The following CRHBP variants were observed in gnomAD, a reference collection of about 807,000 sequenced individuals.
CRHBP encodes corticotropin-releasing hormone-binding protein.
In CRHBP, 19 loss-of-function variants were observed where a neutral mutation model predicts 34.9. That is an observed-to-expected ratio of 0.55 (90% CI 0.38 to 0.80). CRHBP has a LOEUF of 0.80. CRHBP is among the 30% of genes least tolerant of loss of function. The pLI, the probability that CRHBP is intolerant of heterozygous loss-of-function variation, is 0.00. For missense variants in CRHBP, 328 were observed against 409.2 expected (o/e 0.80, Z 1.71); for synonymous variants, 154 against 153.4 (o/e 1.00, Z -0.03).
chr5:76,966,204 G>T lies in CRHBP; in HGVS notation c.812-2524G>T, dbSNP rs903101881. Among the ~76,000 whole-genome samples the T allele has an allele frequency of 3.6e-4, 55 of 152,324 alleles. 1 individual carries two copies. The highest frequency in any genetic ancestry group is 1.3e-3 in the African/African-American group (53 of 41,558). On this transcript the variant is annotated intron_variant, in intron 6 of 6. Coordinates refer to ENST00000274368, the MANE Select transcript of CRHBP (RefSeq NM_001882.4). Reference sequence around the variant, plus strand: ...TGGCTAATTTTGTATTTTTAGTAGAGATGGGGTTTCTCCATGTTGGTCAGG... The same window carrying T: ...TGGCTAATTTTGTATTTTTAGTAGATATGGGGTTTCTCCATGTTGGTCAGG...
intron 6 of CRHBP, among the ~76,000 whole-genome samples, chr5:76,964,516 A>C (rs533044669): frequency 1.3e-5 from 2 of 152,322 alleles, no homozygotes; most frequent in East Asian, 3.9e-4. Context: ...GCCCTTCTTA[A>C]CTGTGGGTTC....
chr5:76,970,294 C>T (rs1745926987), downstream of CRHBP, among the ~76,000 whole-genome samples: 2 of 152,040 alleles, frequency 1.3e-5, no homozygotes, highest in South Asian at 4.1e-4. Flanking sequence ...TAGATGAAAG[C>T]TTCAAACTAT....
At chr5:76,953,807 A>G in intron 2 of CRHBP, 113 bp downstream of exon 2, 2 of 1,248,510 alleles carry the variant, frequency 1.6e-6, no homozygotes, top group East Asian at 2.6e-5. Context: ...CGGAACCGCC[A>G]GGGGCGCGGT....
intron 1 of CRHBP, 49 bp downstream of exon 1, chr5:76,953,264 C>G (rs758361817): frequency 3.2e-6 from 5 of 1,574,884 alleles, no homozygotes; most frequent in African/African-American, 1.3e-5. Flanking sequence ...CGTGTTAGCC[C>G]TAGGCGGCAG....
At chr5:76,966,445 T>C (rs910311092) in intron 6 of CRHBP, among the ~76,000 whole-genome samples, 11 of 152,206 alleles carry the variant, frequency 7.2e-5, no homozygotes, top group Non-Finnish European at 1.5e-4. Context: ...CAAGGCACTC[T>C]CCCTTTCCTT....
At chr5:76,962,941 C>T (rs1290200821) in intron 5 of CRHBP, among the ~76,000 whole-genome samples, 6 of 152,126 alleles carry the variant, frequency 3.9e-5, no homozygotes, top group Admixed American at 2.6e-4. Flanking sequence ...TATTTGACTT[C>T]GCTTAGCTGT....
intron 5 of CRHBP, among the ~76,000 whole-genome samples, chr5:76,961,732 CTG>C (rs1434929495): frequency 6.6e-6 from 1 of 151,880 alleles, no homozygotes; most frequent in Non-Finnish European, 1.5e-5. Flanking sequence ...CAATGCTCTT[CTG>C]TGTTTTTTTG....
downstream of CRHBP, among the ~76,000 whole-genome samples, chr5:76,973,446 A>G (rs1312793152): frequency 6.6e-6 from 1 of 152,192 alleles, no homozygotes; most frequent in African/African-American, 2.4e-5. Flanking sequence ...ATACAAAAAT[A>G]CCATGCAAAT....
chr5:76,975,589 G>A (rs1746012434), intron 2 of CRHBP, among the ~76,000 whole-genome samples: 1 of 151,342 alleles, frequency 6.6e-6, no homozygotes, highest in African/African-American at 2.4e-5. Context: ...GATTACTTAA[G>A]GCCAGGAGTT....
intron 1 of CRHBP, 36 bp downstream of exon 1, chr5:76,953,251 T>C: frequency 1.3e-6 from 2 of 1,597,646 alleles, no homozygotes; most frequent in Non-Finnish European, 1.7e-6. Context: ...CTCACCTTCC[T>C]TGCGTGTTAG....
intron 3 of CRHBP, among the ~76,000 whole-genome samples, chr5:76,955,091 T>C (rs1745647576): frequency 6.6e-6 from 1 of 152,214 alleles, no homozygotes; most frequent in Non-Finnish European, 1.5e-5. Flanking sequence ...CCAGGTAGCA[T>C]ACCAGCCATC....
chr5:76,959,920 T>C (rs1745749603), intron 5 of CRHBP, among the ~76,000 whole-genome samples: 1 of 152,216 alleles, frequency 6.6e-6, no homozygotes, highest in Admixed American at 6.5e-5. Flanking sequence ...GTAATCTTGG[T>C]GTTTCCTCCC....
intron 5 of CRHBP, 171 bp from the exon 6 acceptor site, chr5:76,963,172 T>G: frequency 1.7e-6 from 1 of 581,180 alleles, no homozygotes; most frequent in East Asian, 2.7e-5. Context: ...TTTTTATGAT[T>G]TTTTCTCTTT....
rs1340942551 is a variant in CRHBP at position 76,965,236 on chromosome 5, C to T, written c.811+1776C>T. On this transcript the variant is annotated intron_variant, in intron 6 of 6. Coordinates refer to ENST00000274368, the MANE Select transcript of CRHBP (RefSeq NM_001882.4). ...ATGGGGAGCATCTTGGAACCAATCT[C>T]CTGAGGATACCAAAGGATGAATTAT... Among the ~76,000 whole-genome samples, 10 of 152,202 alleles carry T rather than the reference C, an allele frequency of 6.6e-5. No individual in the cohort carries two copies. The East Asian group carries it at 1.9e-3, about 29-fold the overall frequency.
chr5:76,968,723 T>C lies in CRHBP; in HGVS notation c.812-5T>C. 6.2e-7 allele frequency: 1 copy of C among 1,609,554 alleles called. No homozygotes were observed. The highest frequency in any genetic ancestry group is 2.2e-5 in the East Asian group (1 of 44,698). On this transcript the variant is annotated splice_polypyrimidine_tract_variant and splice_region_variant and intron_variant, in intron 6 of 6. Transcript: ENST00000274368. ...GGAAACTTTTATCTTTTCCATCCAT[T>C]ATAGCCCAGATGAAAGTTGGCTGTG...
At chr5:76,975,826 A>AAATC in intron 2 of CRHBP, among the ~76,000 whole-genome samples, 1 of 67,842 alleles carries the variant, frequency 1.5e-5, no homozygotes, top group African/African-American at 9.0e-5. Context: ...AAAAAAAAAA[A>AAATC]TATATATATA....
At chr5:76,980,026 C>T (rs571963364) in intron 3 of CRHBP, among the ~76,000 whole-genome samples, 7 of 150,800 alleles carry the variant, frequency 4.6e-5, no homozygotes, top group East Asian at 2.0e-4. Context: ...CCGAGGCGGG[C>T]GGATCACGAG....
At chr5:76,971,551 C>T (rs1389730796), downstream of CRHBP, among the ~76,000 whole-genome samples, 1 of 152,172 alleles carries the variant, frequency 6.6e-6, no homozygotes, top group Non-Finnish European at 1.5e-5. Context: ...AGGTTGTTGC[C>T]TGTCACTGAG....
intron 5 of CRHBP, among the ~76,000 whole-genome samples, chr5:76,961,262 T>C (rs540279037): frequency 2.0e-5 from 3 of 152,336 alleles, no homozygotes; most frequent in Non-Finnish European, 2.9e-5. Flanking sequence ...AAGGAATAAG[T>C]GCACTTAACT....
Sources: allele counts gnomAD v4.1 joint callset (sites outside exome capture counted in the v4.1 genomes callset), GRCh38; gene constraint gnomAD v4.1.1; transcripts MANE v1.5; gene names NCBI Gene and HGNC (gene_info 2026-07-23, HGNC 2026-07-21).